GRM3: variants seen among roughly 807,000 people sequenced by gnomAD.
GRM3 encodes metabotropic glutamate receptor 3.
A neutral mutation model predicts 70.5 loss-of-function variants in GRM3; 26 were observed. That is an observed-to-expected ratio of 0.37 (90% CI 0.27 to 0.51). The LOEUF (loss-of-function observed/expected upper bound fraction) is 0.51. Ranked by LOEUF, GRM3 falls within the 20% of genes least tolerant of loss-of-function variation. The pLI is 0.93. For missense variants in GRM3, 859 were observed against 1,123.8 expected (o/e 0.76, Z 3.37); for synonymous variants, 443 against 434.9 (o/e 1.02, Z -0.23).
intron 1 of GRM3, among the ~76,000 whole-genome samples, chr7:86,725,940 A>G (rs1795583225): frequency 6.6e-6 from 1 of 152,142 alleles, no homozygotes; most frequent in African/African-American, 2.4e-5. Flanking sequence ...TCCCATTTAT[A>G]AGACACTGCC....
intron 5 of GRM3, among the ~76,000 whole-genome samples, chr7:86,852,239 T>C (rs1798768202): frequency 6.6e-6 from 1 of 152,170 alleles, no homozygotes. Context: ...AGCAAAATTG[T>C]CTCATTGCTA....
At chr7:86,809,365 A>G (rs1034161443) in intron 3 of GRM3, among the ~76,000 whole-genome samples, 2 of 152,112 alleles carry the variant, frequency 1.3e-5, no homozygotes, top group Admixed American at 6.6e-5. Flanking sequence ...ATTGTGGATC[A>G]TGTTTTAAAA....
chr7:86,760,562 G>A (rs1195767332), intron 1 of GRM3, among the ~76,000 whole-genome samples: 4 of 152,060 alleles, frequency 2.6e-5, no homozygotes, highest in Non-Finnish European at 4.4e-5. Flanking sequence ...GAAAAGAGGT[G>A]GTTGGTGCCC....
chr7:86,850,569 T>G (rs1485867294), intron 5 of GRM3, 25 bp downstream of exon 5: 10 of 1,483,284 alleles, frequency 6.7e-6, no homozygotes, highest in Non-Finnish European at 7.5e-6. Context: ...CAGCACTAAC[T>G]CCTTCATACA....
intron 1 of GRM3, among the ~76,000 whole-genome samples, chr7:86,674,572 T>C (rs1004346536): frequency 1.3e-5 from 2 of 152,154 alleles, no homozygotes; most frequent in South Asian, 2.1e-4. Context: ...TTTACAACTT[T>C]CAGAAAAATC....
intron 1 of GRM3, among the ~76,000 whole-genome samples, chr7:86,673,344 G>T (rs896875778): frequency 1.3e-5 from 2 of 152,106 alleles, no homozygotes; most frequent in Non-Finnish European, 2.9e-5. Context: ...TATCGAGAAT[G>T]ATTCCTCTCA....
rs937408041 is a variant in GRM3, at chr7:86,644,774, TGAG to T, written c.-233_-231del. ...AGTAAGCTACCTCTTTTGTGTCGGA[TGAG>T]GAGGACCAACCATGAGCCAGAGCCC... On this transcript the variant is annotated 5_prime_UTR_variant, in exon 1 of 6. Transcript: ENST00000361669. 7.8e-7 allele frequency: 1 copy of T among 1,287,874 alleles called. No individual in the cohort carries two copies. The highest frequency in any genetic ancestry group is 1.2e-5 in the South Asian group (1 of 80,996). 79.8% of individuals were successfully genotyped at this position (1,287,874 alleles called of 1,614,324 possible).
chr7:86,648,363 C>T (rs949562781), intron 1 of GRM3, among the ~76,000 whole-genome samples: 8 of 152,300 alleles, frequency 5.3e-5, no homozygotes, highest in South Asian at 2.1e-4. Flanking sequence ...ACCCTGTCAA[C>T]GCCCACACTA....
At chr7:86,844,061 T>C (rs990425024) in intron 4 of GRM3, among the ~76,000 whole-genome samples, 2 of 152,174 alleles carry the variant, frequency 1.3e-5, no homozygotes, top group Non-Finnish European at 2.9e-5. Flanking sequence ...TAGATTCTTT[T>C]GGGGGTTGGA....
intron 1 of GRM3, among the ~76,000 whole-genome samples, chr7:86,714,615 A>C (rs1443254172): frequency 1.3e-5 from 2 of 152,032 alleles, no homozygotes; most frequent in African/African-American, 4.8e-5. Context: ...TGCTAAATCA[A>C]CTATGTTGAT....
At chr7:86,807,843 T>A (rs1053450654) in intron 3 of GRM3, among the ~76,000 whole-genome samples, 6 of 152,180 alleles carry the variant, frequency 3.9e-5, no homozygotes, top group Admixed American at 3.9e-4. Flanking sequence ...AAGGAATGCT[T>A]CCAGTTTTTG....
chr7:86,682,595 T>A (rs556698167), intron 1 of GRM3, among the ~76,000 whole-genome samples: 1 of 152,270 alleles, frequency 6.6e-6, no homozygotes, highest in South Asian at 2.1e-4. Context: ...AAATAAAAGG[T>A]GTATTGCCAT....
intron 1 of GRM3, among the ~76,000 whole-genome samples, chr7:86,697,292 C>CA (rs77134910): frequency 0.013 from 1,562 of 118,908 alleles, 20 homozygotes; most frequent in African/African-American, 0.033. Context: ...TAAACAAAAG[C>CA]AAAAAAAAAA....
chr7:86,756,683 G>C (rs947005627), intron 1 of GRM3, among the ~76,000 whole-genome samples: 1 of 151,864 alleles, frequency 6.6e-6, no homozygotes, highest in South Asian at 2.1e-4. Context: ...ACTACATATG[G>C]TTTTATTTAT....
intron 2 of GRM3, among the ~76,000 whole-genome samples, chr7:86,768,599 G>A (rs1156661343): frequency 1.3e-5 from 2 of 152,182 alleles, no homozygotes; most frequent in East Asian, 3.9e-4. Context: ...AATGAAAGTT[G>A]CATTGGAGAA....
chr7:86,850,622 ATG>A, intron 5 of GRM3, 78 bp downstream of exon 5: 1 of 903,300 alleles, frequency 1.1e-6, no homozygotes, highest in Non-Finnish European at 1.8e-6. Flanking sequence ...CAGGCAACAC[ATG>A]TCTGTCCCCA....
chr7:86,855,784 A>G (rs751926474), intron 5 of GRM3, among the ~76,000 whole-genome samples: 6 of 152,206 alleles, frequency 3.9e-5, no homozygotes, highest in Non-Finnish European at 7.3e-5. Flanking sequence ...TGGCCTAGTT[A>G]GCAGGGGGCA....
chr7:86,698,758 GC>G (rs1234540430), intron 1 of GRM3, among the ~76,000 whole-genome samples: 1 of 151,920 alleles, frequency 6.6e-6, no homozygotes, highest in East Asian at 1.9e-4. Context: ...AATCTGAAAA[GC>G]CCTTAAGAAC....
At chr7:86,650,374 ATTTAT>A (rs1793575357) in intron 1 of GRM3, among the ~76,000 whole-genome samples, 1 of 151,974 alleles carries the variant, frequency 6.6e-6, no homozygotes. Flanking sequence ...ATTTTAATTA[ATTTAT>A]TTATTTTACC....
Sources: gnomAD v4.1 joint callset for allele counts (sites outside exome capture counted in the v4.1 genomes callset) on GRCh38, gnomAD v4.1.1 for gene constraint, MANE v1.5 for transcripts, NCBI Gene and HGNC (gene_info 2026-07-23, HGNC 2026-07-21) for gene names.